Variants in MSRA observed in about 807,000 individuals in gnomAD.
MSRA encodes methionine sulfoxide reductase A.
MSRA carries 54 observed loss-of-function variants against 31.3 expected under a neutral mutation model. That is an observed-to-expected ratio of 1.73 (90% confidence interval 1.39 to 2.17). MSRA has a LOEUF of 2.17. MSRA is among the 30% of genes most tolerant of loss of function. The pLI, the probability that MSRA is intolerant of heterozygous loss-of-function variation, is 0.00. For synonymous variants in MSRA, 169 were observed against 116.5 expected, an observed-to-expected ratio of 1.45 and a Z score of -2.90; for missense variants, 507 against 300.9, an observed-to-expected ratio of 1.69 and a Z score of -5.07.
At chr8:10,072,778 C>T (rs988176521) in intron 1 of MSRA, among the ~76,000 whole-genome samples, 4 of 152,160 alleles carry the variant, frequency 2.6e-5, no homozygotes, top group African/African-American at 7.2e-5. Flanking sequence ...CTTTCATCAG[C>T]GTTTTGTAAT....
At chr8:10,306,103 C>G (rs1349880926) in intron 4 of MSRA, among the ~76,000 whole-genome samples, 1 of 152,104 alleles carries the variant, frequency 6.6e-6, no homozygotes. Context: ...GGTACCCAGA[C>G]TCCCACTGTC....
chr8:10,203,815 G>A (rs1351737021), intron 1 of MSRA, among the ~76,000 whole-genome samples: 1 of 152,206 alleles, frequency 6.6e-6, no homozygotes, highest in Admixed American at 6.5e-5. Flanking sequence ...GGAGATGACA[G>A]CTCCAAGCGT....
intron 1 of MSRA, among the ~76,000 whole-genome samples, chr8:10,069,854 T>C (rs1797644219): frequency 6.6e-6 from 1 of 152,126 alleles, no homozygotes; most frequent in African/African-American, 2.4e-5. Flanking sequence ...TGAGAGTTAA[T>C]ATGTTCTTTT....
chr8:10,197,404 G>C (rs1226518544), intron 1 of MSRA, among the ~76,000 whole-genome samples: 1 of 152,218 alleles, frequency 6.6e-6, no homozygotes. Flanking sequence ...GCTTGCCGGA[G>C]ATGCAGGATG....
chr8:10,214,314 C>T (rs1809787585), intron 2 of MSRA, among the ~76,000 whole-genome samples: 1 of 152,080 alleles, frequency 6.6e-6, no homozygotes, highest in African/African-American at 2.4e-5. Context: ...CCTTCGGCCC[C>T]TCCAAGGAGA....
intron 1 of MSRA, among the ~76,000 whole-genome samples, chr8:10,061,251 G>A (rs1336003098): frequency 2.0e-5 from 3 of 152,216 alleles, no homozygotes; most frequent in South Asian, 2.1e-4. Flanking sequence ...TACCCATAGC[G>A]TGGATTGCAC....
At chr8:10,190,972 T>A (rs1292883966) in intron 1 of MSRA, among the ~76,000 whole-genome samples, 2 of 152,166 alleles carry the variant, frequency 1.3e-5, no homozygotes, top group Non-Finnish European at 2.9e-5. Flanking sequence ...TCGATCAGCT[T>A]CAGCATTAGT....
chr8:10,247,670 G>C (rs951523226), intron 3 of MSRA, among the ~76,000 whole-genome samples: 7 of 152,170 alleles, frequency 4.6e-5, no homozygotes, highest in African/African-American at 1.4e-4. Context: ...GTTAACAGTA[G>C]CATTGGGAAG....
chr8:10,268,084 T>C (rs1247509804), intron 3 of MSRA, among the ~76,000 whole-genome samples: 2 of 152,214 alleles, frequency 1.3e-5, no homozygotes, highest in African/African-American at 4.8e-5. Context: ...TTTATAACTC[T>C]AGTGCCATTT....
intron 5 of MSRA, among the ~76,000 whole-genome samples, chr8:10,378,681 T>A (rs1805885860): frequency 6.6e-6 from 1 of 152,220 alleles, no homozygotes; most frequent in Non-Finnish European, 1.5e-5. Flanking sequence ...ATTCTCAACA[T>A]GTGGTCCCCA....
chr8:10,398,956 C>T (rs964469945), intron 5 of MSRA, among the ~76,000 whole-genome samples: 2 of 152,160 alleles, frequency 1.3e-5, no homozygotes, highest in African/African-American at 4.8e-5. Flanking sequence ...GATGCAGCTT[C>T]CACTTGAGTG....
chr8:10,341,350 G>C (rs897297854), intron 5 of MSRA, among the ~76,000 whole-genome samples: 5 of 152,078 alleles, frequency 3.3e-5, no homozygotes, highest in African/African-American at 1.2e-4. Flanking sequence ...AAGGGAGAGA[G>C]AGTTGGGGGG....
At chr8:10,201,042 C>A (rs1329240979) in intron 1 of MSRA, among the ~76,000 whole-genome samples, 1 of 152,086 alleles carries the variant, frequency 6.6e-6, no homozygotes, top group Non-Finnish European at 1.5e-5. Context: ...GTACCCTGAA[C>A]CACCATGACT....
intron 4 of MSRA, among the ~76,000 whole-genome samples, chr8:10,313,806 A>T (rs1364603627): frequency 3.3e-5 from 5 of 152,274 alleles, no homozygotes; most frequent in Non-Finnish European, 7.3e-5. Flanking sequence ...ACAGCTGTTA[A>T]GACATTGTGT....
At chr8:10,104,763 C>T (rs952970121) in intron 1 of MSRA, among the ~76,000 whole-genome samples, 3 of 152,168 alleles carry the variant, frequency 2.0e-5, no homozygotes, top group Non-Finnish European at 2.9e-5. Context: ...GCATGTCCAA[C>T]CCCCCTTCAC....
chr8:10,082,539 C>T (rs564210570), intron 1 of MSRA, among the ~76,000 whole-genome samples: 6 of 152,278 alleles, frequency 3.9e-5, no homozygotes, highest in South Asian at 2.1e-4. Flanking sequence ...GGCTAACATC[C>T]GTGCACTAAG....
intron 2 of MSRA, among the ~76,000 whole-genome samples, chr8:10,235,602 G>A (rs1021914809): frequency 4.6e-5 from 7 of 152,144 alleles, no homozygotes; most frequent in Non-Finnish European, 1.0e-4. Context: ...CCCAAGGTTT[G>A]CTCTGCAACG....
chr8:10,242,818 G>C (rs1797405664), intron 2 of MSRA, among the ~76,000 whole-genome samples: 1 of 152,080 alleles, frequency 6.6e-6, no homozygotes, highest in Non-Finnish European at 1.5e-5. Context: ...GCTTCATGGA[G>C]TTTTATCCTC....
chr8:10,175,061 T>C (rs1805928196), intron 1 of MSRA, among the ~76,000 whole-genome samples: 1 of 152,146 alleles, frequency 6.6e-6, no homozygotes. Context: ...TGATTCACCA[T>C]CCACATTTCT....
Sources: allele counts gnomAD v4.1 joint callset (sites outside exome capture counted in the v4.1 genomes callset), GRCh38; gene constraint gnomAD v4.1.1; transcripts MANE v1.5; gene names NCBI Gene and HGNC (gene_info 2026-07-23, HGNC 2026-07-21).